Variants in RHCE observed in about 807,000 individuals in gnomAD.
RHCE encodes the protein blood group Rh(CE) polypeptide.
RHCE carries 22 observed loss-of-function variants against 43.8 expected under a neutral mutation model. That is an observed-to-expected ratio of 0.50 (90% confidence interval 0.36 to 0.72). RHCE has a LOEUF of 0.72. Ranked by LOEUF, RHCE falls within the 30% of genes least tolerant of loss-of-function variation. The pLI is 0.00. For missense variants in RHCE, 385 were observed against 525.4 expected (o/e 0.73, Z 2.61); for synonymous variants, 156 against 210.7 (o/e 0.74, Z 2.25).
chr1:25,429,898 G>A (rs2042837364), intron 1 of RHCE: 1 of 152,152 alleles, frequency 6.6e-6, no homozygotes, highest in South Asian at 2.1e-4. Context: ...GTACGTGGCA[G>A]GGGAGTTATA....
In RHCE at chr1:25,402,748, T is replaced by TG; in HGVS notation, c.336-3dup. On this transcript the variant is annotated splice_polypyrimidine_tract_variant and splice_region_variant and intron_variant, in intron 2 of 9. Coordinates refer to ENST00000294413, the MANE Select transcript of RHCE (RefSeq NM_020485.8). ...GCACTCATGGTGGCCAGCCGAATAC[T>TG]GGGGGTGAGAAGGAGAGCCAGGATG... 6.2e-7 allele frequency: 1 copy of TG among 1,614,152 alleles called. No individual in the cohort carries two copies. The highest frequency in any genetic ancestry group is 1.7e-5 in the Admixed American group (1 of 60,010).
chr1:25,384,932 G>T (rs1249545589), intron 7 of RHCE, among the ~76,000 whole-genome samples: 1 of 152,194 alleles, frequency 6.6e-6, no homozygotes, highest in Non-Finnish European at 1.5e-5. Flanking sequence ...GTCAATAACA[G>T]TAGTAAATGT....
At chr1:25,390,585 A>G (rs1646325937) in intron 5 of RHCE, among the ~76,000 whole-genome samples, 164 bp downstream of exon 5, 2 of 152,158 alleles carry the variant, frequency 1.3e-5, no homozygotes, top group South Asian at 2.1e-4. Flanking sequence ...GCCCCCTGTG[A>G]CCACCCAGCA....
chr1:25,397,102 A>C (rs1316011690), intron 3 of RHCE, among the ~76,000 whole-genome samples: 7 of 115,656 alleles, frequency 6.1e-5, no homozygotes, highest in Non-Finnish European at 1.0e-4. Flanking sequence ...ATGGAGCAAG[A>C]CTCTGTCTCA....
At chr1:25,420,527 T>C (rs866870647) in intron 1 of RHCE, 112 bp downstream of exon 1, 8 of 1,604,978 alleles carry the variant, frequency 5.0e-6, no homozygotes, top group East Asian at 2.2e-5. Flanking sequence ...GGGGGAATCT[T>C]TTCCTCGGGA....
Position 25,383,337 on chromosome 1 carries a change from C to T in RHCE, c.1073+2374G>A, listed in dbSNP as rs556525500. Reference sequence around the variant, plus strand: ...ATTAATGCAAAGTCAACTGACTTGCCCAATGCCACCAAGTAGCTAATCCAC... The same window carrying T: ...ATTAATGCAAAGTCAACTGACTTGCTCAATGCCACCAAGTAGCTAATCCAC... On this transcript the variant is annotated intron_variant, in intron 7 of 9. Transcript: ENST00000294413. Among the ~76,000 whole-genome samples, 216 of 152,196 alleles carry T rather than the reference C, an allele frequency of 1.4e-3. 1 individual carries two copies. Among genetic ancestry groups the T allele is most frequent in the Admixed American group, 3.9e-3 (60 of 15,280 alleles).
At chr1:25,374,535 G>A (rs60199854) in intron 8 of RHCE, among the ~76,000 whole-genome samples, 4 of 148,752 alleles carry the variant, frequency 2.7e-5, no homozygotes, top group Non-Finnish European at 5.9e-5. Flanking sequence ...ATAAGGGCCT[G>A]CTCCTCACTA....
intron 2 of RHCE, among the ~76,000 whole-genome samples, chr1:25,428,343 T>A (rs1186413939): frequency 6.6e-6 from 1 of 152,214 alleles, no homozygotes; most frequent in African/African-American, 2.4e-5. Context: ...CCAACGCCTT[T>A]AAGCTTCCAT....
At chr1:25,388,728 C>T (rs539939078) in intron 6 of RHCE, among the ~76,000 whole-genome samples, 2 of 152,272 alleles carry the variant, frequency 1.3e-5, no homozygotes, top group South Asian at 4.2e-4. Context: ...TCTGTGACAC[C>T]CCTGTAGCCT....
At chr1:25,420,575 T>C (rs588880) in intron 1 of RHCE, 64 bp downstream of exon 1, 85 of 1,613,770 alleles carry the variant, frequency 5.3e-5, no homozygotes, top group Middle Eastern at 3.3e-4. Flanking sequence ...TGGAGAACCA[T>C]AGGCCTCCCC....
chr1:25,429,820 A>G (rs1469280502), intron 1 of RHCE: 1 of 152,184 alleles, frequency 6.6e-6, no homozygotes, highest in Non-Finnish European at 1.5e-5. Context: ...CTCTAATGAT[A>G]AACATTCTTT....
At position 25,407,125 on chromosome 1, in the gene RHCE, G is replaced by A. The variant is rs1243968351; in HGVS notation, c.335+1558C>T. Among the ~76,000 whole-genome samples, 5 of 122,006 alleles carry A rather than the reference G, an allele frequency of 4.1e-5. 2 individuals carry two copies. The highest frequency in any genetic ancestry group is 9.3e-5 in the Non-Finnish European group (5 of 53,692). 80.0% of individuals were successfully genotyped at this position (122,006 alleles called of 152,430 possible). A position where few individuals can be genotyped will look rare whatever the true frequency, so the allele number is the denominator to read the frequency against. The stretch of plus-strand genomic sequence containing the variant: ...TTCTGCAGAGACAGGGTCTCACTGC[G>A]TTGCTCAGGCTGGTCTCAAACTCCT... On this transcript the variant is annotated intron_variant, in intron 2 of 9. Coordinates refer to ENST00000294413, the MANE Select transcript of RHCE (RefSeq NM_020485.8).
At chr1:25,425,360 G>C (rs28636458), upstream of RHCE, among the ~76,000 whole-genome samples, 2 of 152,122 alleles carry the variant, frequency 1.3e-5, no homozygotes, top group African/African-American at 4.8e-5. Flanking sequence ...GCATCATTAC[G>C]CTTACAAAAG....
intron 7 of RHCE, chr1:25,385,460 A>T: frequency 1.7e-6 from 1 of 576,996 alleles, no homozygotes; most frequent in South Asian, 1.7e-5. Flanking sequence ...GTGGGGTCAC[A>T]GAAGATTTCG....
chr1:25,381,938 T>C (rs1381968758), intron 7 of RHCE, among the ~76,000 whole-genome samples: 1 of 151,212 alleles, frequency 6.6e-6, no homozygotes, highest in Non-Finnish European at 1.5e-5. Flanking sequence ...TGACAAAATA[T>C]CAAACTGGGT....
In RHCE at chr1:25,379,354, A is replaced by G. The variant is rs567380368; in HGVS notation, c.1074-3926T>C. 1.3e-5 allele frequency among the ~76,000 whole-genome samples: 2 copies of G among 150,144 alleles called. 1 individual carries two copies. Among genetic ancestry groups the G allele is most frequent in the African/African-American group, 4.9e-5 (2 of 40,952 alleles). On this transcript the variant is annotated intron_variant, in intron 7 of 9. Coordinates refer to ENST00000294413, the MANE Select transcript of RHCE (RefSeq NM_020485.8). ...AATTTGGAGATTAAGTCTCCAACACATGAAATTTGAGGGATGCATTCAAAC... is the reference window on the plus strand; with the variant it reads ...AATTTGGAGATTAAGTCTCCAACACGTGAAATTTGAGGGATGCATTCAAAC...
chr1:25,429,885 T>C (rs775506423), intron 1 of RHCE: 2 of 152,122 alleles, frequency 1.3e-5, no homozygotes, highest in African/African-American at 4.8e-5. Flanking sequence ...TACTTTGCCA[T>C]ACGTACGTGG....
intron 7 of RHCE, among the ~76,000 whole-genome samples, chr1:25,380,115 C>A (rs950566644): frequency 1.9e-4 from 28 of 143,990 alleles, no homozygotes; most frequent in Middle Eastern, 3.4e-3. Context: ...CCTGTAAAGT[C>A]AAAACAAGTT....
chr1:25,411,720 A>T (rs1001185944), intron 1 of RHCE, among the ~76,000 whole-genome samples: 2 of 152,142 alleles, frequency 1.3e-5, no homozygotes, highest in African/African-American at 4.8e-5. Flanking sequence ...GACATTTTCT[A>T]CAGGGGTTCC....
Sources: gnomAD v4.1 joint callset for allele counts (sites outside exome capture counted in the v4.1 genomes callset) on GRCh38, gnomAD v4.1.1 for gene constraint, MANE v1.5 for transcripts, NCBI Gene and HGNC (gene_info 2026-07-23, HGNC 2026-07-21) for gene names.